The following RAB7A variants were observed in gnomAD, a reference collection of about 807,000 sequenced individuals.
The protein encoded by RAB7A is RAB7A, member RAS oncogene family.
In RAB7A, 2 loss-of-function variants were observed where a neutral mutation model predicts 24.5. That is an observed-to-expected ratio of 0.08 (90% CI 0.03 to 0.26). The LOEUF (loss-of-function observed/expected upper bound fraction) is 0.26. Among genes scored for constraint, RAB7A ranks in the 10% least tolerant of loss-of-function variants. The pLI is 1.00. For missense variants in RAB7A, 118 were observed against 255.7 expected (o/e 0.46, Z 3.67); for synonymous variants, 100 against 95.9 (o/e 1.04, Z -0.25).
chr3:128,791,144 G>T, intron 1 of RAB7A, among the ~76,000 whole-genome samples: 1 of 151,340 alleles, frequency 6.6e-6, no homozygotes, highest in Non-Finnish European at 1.5e-5. Flanking sequence ...TTCATGTTTT[G>T]TTTGTTTTTT....
intron 1 of RAB7A, among the ~76,000 whole-genome samples, chr3:128,761,224 C>T (rs1287424947): frequency 6.6e-6 from 1 of 152,170 alleles, no homozygotes; most frequent in African/African-American, 2.4e-5. Flanking sequence ...CTTTGGGAAG[C>T]GTTCTTAAAG....
chr3:128,770,484 G>T (rs905168891), intron 1 of RAB7A, among the ~76,000 whole-genome samples: 1 of 152,176 alleles, frequency 6.6e-6, no homozygotes, highest in Non-Finnish European at 1.5e-5. Context: ...CTTTTGAAAT[G>T]GGACTGGATT....
chr3:128,774,214 A>G (rs78976458), intron 1 of RAB7A, among the ~76,000 whole-genome samples: 1 of 149,594 alleles, frequency 6.7e-6, no homozygotes, highest in East Asian at 1.9e-4. Flanking sequence ...AAAAAAAAAA[A>G]GCCTGCAGAA....
chr3:128,790,024 A>AC (rs1933422857), intron 1 of RAB7A, among the ~76,000 whole-genome samples: 1 of 151,118 alleles, frequency 6.6e-6, no homozygotes, highest in African/African-American at 2.4e-5. Context: ...CAGTCTCTTG[A>AC]CCTCGTGATC....
chr3:128,759,467 C>T (rs540430348), intron 1 of RAB7A, among the ~76,000 whole-genome samples: 36 of 152,324 alleles, frequency 2.4e-4, no homozygotes, highest in Admixed American at 5.9e-4. Flanking sequence ...GACGTCTATT[C>T]TGCCAAGATC....
chr3:128,763,808 T>C (rs931447546), intron 1 of RAB7A, among the ~76,000 whole-genome samples: 1 of 152,114 alleles, frequency 6.6e-6, no homozygotes, highest in Non-Finnish European at 1.5e-5. Context: ...AAATTATTTT[T>C]TATTTCAATC....
chr3:128,758,282 T>TG (rs1285183760), intron 1 of RAB7A, among the ~76,000 whole-genome samples: 1 of 149,892 alleles, frequency 6.7e-6, no homozygotes, highest in Non-Finnish European at 1.5e-5. Flanking sequence ...TTGTTTTTTT[T>TG]TTTTTTTTGA....
chr3:128,755,134 T>G (rs2070718695), intron 1 of RAB7A, among the ~76,000 whole-genome samples: 1 of 152,076 alleles, frequency 6.6e-6, no homozygotes, highest in Admixed American at 6.6e-5. Context: ...ATTCAAGAGA[T>G]TTTTAAAAAT....
intron 1 of RAB7A, among the ~76,000 whole-genome samples, chr3:128,773,200 C>T (rs1576288248): frequency 6.6e-6 from 1 of 152,036 alleles, no homozygotes; most frequent in Non-Finnish European, 1.5e-5. Context: ...CTCTGCCCGG[C>T]CGCGACCCCG....
rs3830294 is a variant in RAB7A, at chr3:128,813,585, TCA to T, written c.*179_*180del. 7.1e-3 allele frequency: 4,251 copies of T among 601,672 alleles called. 1 individual carries two copies. The highest frequency in any genetic ancestry group is 0.011 in the African/African-American group (615 of 53,814). The allele number at this position is 601,672 out of a possible 1,614,324, so 37.3% of individuals were successfully genotyped here. A position where few individuals can be genotyped will look rare whatever the true frequency, so the allele number is the denominator to read the frequency against. ...AACACAGTTACACCCCACATATCTC[TCA>T]CACACACACACACACGCACACACAC... On this transcript the variant is annotated 3_prime_UTR_variant, in exon 6 of 6. Coordinates refer to ENST00000265062, the MANE Select transcript of RAB7A (RefSeq NM_004637.6).
intron 1 of RAB7A, among the ~76,000 whole-genome samples, chr3:128,772,106 A>G (rs1023880518): frequency 6.6e-6 from 1 of 152,256 alleles, no homozygotes. Flanking sequence ...GAGTAGGACA[A>G]CAAAGAGCAG....
intron 1 of RAB7A, among the ~76,000 whole-genome samples, chr3:128,748,364 C>T (rs1369252553): frequency 6.6e-6 from 1 of 152,176 alleles, no homozygotes; most frequent in African/African-American, 2.4e-5. Flanking sequence ...TTCTTCTCAG[C>T]TGGCTGACTT....
At chr3:128,737,826 T>A (rs13081229) in intron 1 of RAB7A, among the ~76,000 whole-genome samples, 75 of 35,348 alleles carry the variant, frequency 2.1e-3, no homozygotes, top group African/African-American at 0.011. Context: ...TTTTTTGTAG[T>A]TTTTTTTTTT....
At chr3:128,802,509 GTATT>G (rs1036408574) in intron 3 of RAB7A, among the ~76,000 whole-genome samples, 3 of 151,332 alleles carry the variant, frequency 2.0e-5, no homozygotes, top group African/African-American at 2.4e-5. Flanking sequence ...ATGTATGTAT[GTATT>G]TATTTATTTA....
chr3:128,729,458 T>C (rs559105547), intron 1 of RAB7A, among the ~76,000 whole-genome samples: 1 of 151,722 alleles, frequency 6.6e-6, no homozygotes, highest in East Asian at 1.9e-4. Context: ...TAGTCCCAGC[T>C]ACTCGTGAGG....
intron 1 of RAB7A, among the ~76,000 whole-genome samples, chr3:128,774,245 G>A (rs987541167): frequency 6.7e-6 from 1 of 148,444 alleles, no homozygotes; most frequent in Non-Finnish European, 1.5e-5. Flanking sequence ...TTAGGTAAGA[G>A]TTGGCAGTCT....
intron 1 of RAB7A, among the ~76,000 whole-genome samples, chr3:128,782,342 G>A (rs547986449): frequency 3.3e-5 from 5 of 152,170 alleles, no homozygotes; most frequent in Non-Finnish European, 7.3e-5. Flanking sequence ...GCACATGCCA[G>A]AACCGTTCTC....
At chr3:128,745,228 C>T (rs545581016) in intron 1 of RAB7A, among the ~76,000 whole-genome samples, 1 of 152,160 alleles carries the variant, frequency 6.6e-6, no homozygotes, top group Non-Finnish European at 1.5e-5. Flanking sequence ...GCGTGTCTAC[C>T]TGTTGCCTAA....
At chr3:128,752,389 A>C (rs1322231056) in intron 1 of RAB7A, among the ~76,000 whole-genome samples, 1 of 152,178 alleles carries the variant, frequency 6.6e-6, no homozygotes, top group Non-Finnish European at 1.5e-5. Context: ...GGGACAAAAG[A>C]GTAAAGGAGG....
Sources: allele counts gnomAD v4.1 joint callset (sites outside exome capture counted in the v4.1 genomes callset), GRCh38; gene constraint gnomAD v4.1.1; transcripts MANE v1.5; gene names NCBI Gene and HGNC (gene_info 2026-07-23, HGNC 2026-07-21).